The following MTA3 variants were observed in gnomAD, a reference collection of about 807,000 sequenced individuals.
The protein encoded by MTA3 is metastasis associated 1 family member 3, also known as metastasis-associated protein MTA3.
In MTA3, 34 loss-of-function variants were observed where a neutral mutation model predicts 83.5. The ratio of observed to expected loss-of-function variants is 0.41; its 90% CI spans 0.31 to 0.54. The LOEUF (loss-of-function observed/expected upper bound fraction) is 0.54, where lower values mean the gene tolerates loss of function less well. Ranked by LOEUF, MTA3 falls within the 20% of genes least tolerant of loss-of-function variation. The pLI, the probability that MTA3 is intolerant of heterozygous loss-of-function variation, is 0.33. For synonymous variants in MTA3, 303 were observed against 252.7 expected (o/e 1.20, Z -1.89); for missense variants, 761 against 726.4 (o/e 1.05, Z -0.55).
intron 14 of MTA3, among the ~76,000 whole-genome samples, chr2:42,711,671 C>T (rs1239834400): frequency 1.3e-5 from 2 of 152,010 alleles, no homozygotes; most frequent in Non-Finnish European, 2.9e-5. Flanking sequence ...TTGTTACAAC[C>T]TCTTCAGCAG....
chr2:42,626,259 A>T (rs999055826), intron 4 of MTA3, among the ~76,000 whole-genome samples: 1 of 148,684 alleles, frequency 6.7e-6, no homozygotes, highest in African/African-American at 2.5e-5. Context: ...TTCTATTCTT[A>T]TTCAAAACCA....
chr2:42,591,148 A>G (rs1386666639), intron 3 of MTA3, among the ~76,000 whole-genome samples: 1 of 152,216 alleles, frequency 6.6e-6, no homozygotes. Context: ...GCTATGTGGT[A>G]TAGCCTATTT....
chr2:42,498,557 C>T (rs1158837339), intron 2 of MTA3, among the ~76,000 whole-genome samples: 1 of 152,174 alleles, frequency 6.6e-6, no homozygotes, highest in African/African-American at 2.4e-5. Flanking sequence ...GAGGCGCACA[C>T]ATGCATAATT....
At position 42,570,419 on chromosome 2, in the gene MTA3, T is replaced by C; in HGVS notation, c.29-18T>C. 5 of 1,460,160 alleles carry C rather than the reference T, an allele frequency of 3.4e-6. No individual in the cohort carries two copies. The highest frequency in any genetic ancestry group is 4.7e-6 in the Non-Finnish European group (5 of 1,069,952). 90.5% of individuals were successfully genotyped at this position (1,460,160 alleles called of 1,614,324 possible). A position where few individuals can be genotyped will look rare whatever the true frequency, so the allele number is the denominator to read the frequency against. ...TTTCTGTTAAAAAGATTAAGTTCTG[T>C]ACTTCCTTTAATTACAGATTATGTC... On this transcript the variant is annotated intron_variant, in intron 1 of 16. Transcript: ENST00000405094.
At chr2:42,529,772 G>A (rs1475696621) in intron 2 of MTA3, among the ~76,000 whole-genome samples, 1 of 152,200 alleles carries the variant, frequency 6.6e-6, no homozygotes, top group South Asian at 2.1e-4. Context: ...GGCACAGAAT[G>A]GTGTAGGGCA....
At chr2:42,581,508 G>A (rs1382296685) in intron 3 of MTA3, among the ~76,000 whole-genome samples, 1 of 151,410 alleles carries the variant, frequency 6.6e-6, no homozygotes, top group East Asian at 1.9e-4. Flanking sequence ...GAGAAGCTGG[G>A]AGTACAGGCG....
chr2:42,592,656 C>G (rs1475108463), intron 3 of MTA3, among the ~76,000 whole-genome samples: 1 of 152,076 alleles, frequency 6.6e-6, no homozygotes. Context: ...TTAGCTTAGG[C>G]CTACACAGGG....
intron 8 of MTA3, among the ~76,000 whole-genome samples, chr2:42,675,424 C>A (rs185816044): frequency 2.6e-5 from 4 of 152,158 alleles, no homozygotes; most frequent in African/African-American, 4.8e-5. Context: ...TGTGAGCCAC[C>A]GCACCCAGCC....
chr2:42,497,832 C>T (rs560660405), intron 2 of MTA3, among the ~76,000 whole-genome samples: 1 of 152,312 alleles, frequency 6.6e-6, no homozygotes, highest in South Asian at 2.1e-4. Flanking sequence ...ATGTATGCTT[C>T]CTTTAGCCCA....
intron 6 of MTA3, among the ~76,000 whole-genome samples, chr2:42,653,988 G>A (rs182819892): frequency 2.0e-5 from 3 of 152,314 alleles, no homozygotes; most frequent in Non-Finnish European, 2.9e-5. Flanking sequence ...CATGTGGCTT[G>A]CAACTGTTTG....
intron 6 of MTA3, among the ~76,000 whole-genome samples, chr2:42,644,980 A>G (rs1688038822): frequency 6.6e-6 from 1 of 152,174 alleles, no homozygotes; most frequent in African/African-American, 2.4e-5. Context: ...TGAAAGGAAA[A>G]GTAGCATGTC....
intron 6 of MTA3, among the ~76,000 whole-genome samples, chr2:42,652,237 G>A (rs1688785475): frequency 6.6e-6 from 1 of 152,134 alleles, no homozygotes; most frequent in Non-Finnish European, 1.5e-5. Flanking sequence ...GGGATGAAGT[G>A]TCTATGTCAG....
intron 2 of MTA3, among the ~76,000 whole-genome samples, chr2:42,522,005 C>T (rs1375925684): frequency 6.6e-6 from 1 of 152,190 alleles, no homozygotes; most frequent in South Asian, 2.1e-4. Context: ...CCACCTGCCT[C>T]GGCCTCCCAA....
Position 42,643,992 on chromosome 2 carries a change from T to G in MTA3, c.382-135T>G, listed in dbSNP as rs76569744. ...TAACACCATGCTCTCCTTAAAGATT[T>G]ATGAGTTTATTCACCAAAATGAAAT... is the stretch of plus-strand genomic sequence containing the variant. On this transcript the variant is annotated intron_variant, in intron 5 of 16. Coordinates refer to ENST00000405094, the MANE Select transcript of MTA3 (RefSeq NM_001330442.2). The G allele has an allele frequency of 2.0e-3, 1,055 of 518,628 alleles. 15 individuals are homozygous for G. The East Asian group carries it at 0.033, about 16-fold the overall frequency. 32.1% of individuals were successfully genotyped at this position (518,628 alleles called of 1,614,324 possible). A position where few individuals can be genotyped will look rare whatever the true frequency, so the allele number is the denominator to read the frequency against.
chr2:42,720,625 A>G (rs180967006), intron 15 of MTA3, among the ~76,000 whole-genome samples: 12 of 152,198 alleles, frequency 7.9e-5, no homozygotes, highest in Non-Finnish European at 1.6e-4. Flanking sequence ...CTGTCTCCAG[A>G]TGCCCCTTCC....
At chr2:42,553,480 A>G (rs1677221905) in intron 2 of MTA3, among the ~76,000 whole-genome samples, 1 of 149,304 alleles carries the variant, frequency 6.7e-6, no homozygotes, top group African/African-American at 2.5e-5. Flanking sequence ...TCATACCTGT[A>G]ATCCTAGCAC....
chr2:42,557,657 A>T (rs1677463828), intron 2 of MTA3, among the ~76,000 whole-genome samples: 1 of 152,222 alleles, frequency 6.6e-6, no homozygotes, highest in South Asian at 2.1e-4. Context: ...TTACAGAGAT[A>T]AAAGGAGACA....
upstream of MTA3, among the ~76,000 whole-genome samples, chr2:42,565,106 C>T (rs751977530): frequency 1.5e-4 from 23 of 151,940 alleles, no homozygotes; most frequent in Non-Finnish European, 2.9e-4. Flanking sequence ...TATTTTTTCG[C>T]ACATATAAAA....
At chr2:42,716,715 C>A (rs1206684493) in intron 14 of MTA3, among the ~76,000 whole-genome samples, 1 of 152,192 alleles carries the variant, frequency 6.6e-6, no homozygotes, top group East Asian at 1.9e-4. Flanking sequence ...ACCACATTTT[C>A]TTTATTCAGT....
Sources: allele counts gnomAD v4.1 joint callset (sites outside exome capture counted in the v4.1 genomes callset), GRCh38; gene constraint gnomAD v4.1.1; transcripts MANE v1.5; gene names NCBI Gene and HGNC (gene_info 2026-07-23, HGNC 2026-07-21).